Variants in IGLON5 observed in about 807,000 individuals in gnomAD.
The protein encoded by IGLON5 is Ig-like domain-containing protein ENSP00000270642.
IGLON5 carries 16 observed loss-of-function variants against 38.2 expected under a neutral mutation model. The ratio of observed to expected loss-of-function variants is 0.42; its 90% confidence interval spans 0.28 to 0.64. The LOEUF (loss-of-function observed/expected upper bound fraction) is 0.64. Among genes scored for constraint, IGLON5 ranks in the 30% least tolerant of loss-of-function variants. IGLON5 has a pLI of 0.23. For missense variants in IGLON5, 366 were observed against 483.4 expected, an observed-to-expected ratio of 0.76 and a Z score of 2.28; for synonymous variants, 207 against 216.4, an observed-to-expected ratio of 0.96 and a Z score of 0.38.
chr19:51,315,916 G>A (rs777180988), intron 1 of IGLON5, among the ~76,000 whole-genome samples: 8 of 151,802 alleles, frequency 5.3e-5, no homozygotes, highest in African/African-American at 1.2e-4. Flanking sequence ...GGATGGTCTC[G>A]ATCTCCTGAC....
chr19:51,320,049 A>G (rs149890832), intron 1 of IGLON5, among the ~76,000 whole-genome samples: 1 of 133,638 alleles, frequency 7.5e-6, no homozygotes, highest in African/African-American at 2.9e-5. Flanking sequence ...GTGTGTGTGC[A>G]CGCGCGTGCA....
At chr19:51,319,826 C>T (rs982001645) in intron 1 of IGLON5, among the ~76,000 whole-genome samples, 3 of 151,906 alleles carry the variant, frequency 2.0e-5, no homozygotes, top group Non-Finnish European at 4.4e-5. Context: ...CACAGCCATG[C>T]GCGTGACTGA....
At chr19:51,326,998 C>G (rs1985233526) in intron 5 of IGLON5, 82 bp from the exon 6 acceptor site, 37 of 1,589,838 alleles carry the variant, frequency 2.3e-5, no homozygotes, top group Non-Finnish European at 3.2e-5. Flanking sequence ...GACTTACGGG[C>G]CTGAGGGAGG....
In IGLON5 at chr19:51,324,469, A is replaced by G. The variant is rs1436027227; in HGVS notation, c.391+575A>G. 3.3e-5 allele frequency among the ~76,000 whole-genome samples: 5 copies of G among 152,076 alleles called. No homozygotes were observed. Among genetic ancestry groups the G allele is most frequent in the Admixed American group, 6.5e-5 (1 of 15,274 alleles). Reference sequence around the variant, plus strand: ...AGGCAGAGGGCATCTGAAATGGTGGAGGGTAGGGAGCACCTGGAGAGACAG... The same window carrying G: ...AGGCAGAGGGCATCTGAAATGGTGGGGGGTAGGGAGCACCTGGAGAGACAG... On this transcript the variant is annotated intron_variant, in intron 3 of 7. Transcript: ENST00000270642. This position sits in a 1 kb window ranked among gnomAD's most constrained non-coding sequence, Gnocchi z 4.2.
At chr19:51,328,035 T>C (rs1391907787) in intron 7 of IGLON5, 149 bp downstream of exon 7, 2 of 840,276 alleles carry the variant, frequency 2.4e-6, no homozygotes, top group Non-Finnish European at 3.5e-6. Context: ...AAGAAACCGA[T>C]CCACGCAATC....
chr19:51,322,017 G>T (rs369347668), intron 1 of IGLON5, 47 bp from the exon 2 acceptor site: 1 of 1,494,308 alleles, frequency 6.7e-7, no homozygotes, highest in East Asian at 2.3e-5. Context: ...TACCATGCCC[G>T]GGCCTTGCCT....
intron 5 of IGLON5, 80 bp downstream of exon 5, chr19:51,326,978 G>C (rs890799644): frequency 6.3e-7 from 1 of 1,576,776 alleles, no homozygotes; most frequent in South Asian, 1.1e-5. Context: ...GGAAGAGGAA[G>C]CGGGGGCGAG....
At position 51,330,512 on chromosome 19, in the gene IGLON5, G is replaced by A. The variant is rs1414940361; in HGVS notation, c.*1753G>A. Among the ~76,000 whole-genome samples, 5 of 152,294 alleles carry A rather than the reference G, an allele frequency of 3.3e-5. No homozygotes were observed. The highest frequency in any genetic ancestry group is 1.9e-4 in the East Asian group (1 of 5,188). ...TTACAGAGATGCCCTGTGATTGGCCGAAGACACCCAGCATAGCCCATTTCC... is the reference window on the plus strand; with the variant it reads ...TTACAGAGATGCCCTGTGATTGGCCAAAGACACCCAGCATAGCCCATTTCC... On this transcript the variant is annotated 3_prime_UTR_variant, in exon 8 of 8. Transcript: ENST00000270642.
At position 51,327,896 on chromosome 19, in the gene IGLON5, C is replaced by T; in HGVS notation, c.922+10C>T. 1 of 868,204 alleles carries T rather than the reference C, an allele frequency of 1.2e-6. No homozygotes were observed. The highest frequency in any genetic ancestry group is 1.5e-6 in the Non-Finnish European group (1 of 645,204). The allele number at this position is 868,204 out of a possible 1,614,324, so 53.8% of individuals were successfully genotyped here. A position where few individuals can be genotyped will look rare whatever the true frequency, so the allele number is the denominator to read the frequency against. ...TCCATGCGGCTCCTGCGTGCGTCTTCGGGCGGGGCGGGGCCGGGAAGGTGG... is the reference window on the plus strand; with the variant it reads ...TCCATGCGGCTCCTGCGTGCGTCTTTGGGCGGGGCGGGGCCGGGAAGGTGG... On this transcript the variant is annotated intron_variant, in intron 7 of 7. Coordinates refer to ENST00000270642, the MANE Select transcript of IGLON5 (RefSeq NM_001101372.3). This position sits in a 1 kb window ranked among gnomAD's most constrained non-coding sequence, Gnocchi z 7.1.
chr19:51,312,755 C>T (rs989859946), intron 1 of IGLON5, among the ~76,000 whole-genome samples: 1 of 152,116 alleles, frequency 6.6e-6, no homozygotes, highest in Non-Finnish European at 1.5e-5. Context: ...AACCCCGGCC[C>T]GGCCCGGCCC....
chr19:51,326,753 T>A lies in IGLON5; in HGVS notation c.512-11T>A. Reference sequence around the variant, plus strand: ...TCCGGCCCCGCCCCCTCCTCCTCCTTCCCCCCACAGACGGCTTCACCTCGG... The same window carrying A: ...TCCGGCCCCGCCCCCTCCTCCTCCTACCCCCCACAGACGGCTTCACCTCGG... On this transcript the variant is annotated splice_polypyrimidine_tract_variant and intron_variant, in intron 4 of 7. Coordinates refer to ENST00000270642, the MANE Select transcript of IGLON5 (RefSeq NM_001101372.3). The A allele has an allele frequency of 1.9e-6, 3 of 1,542,208 alleles. No homozygotes were observed.
chr19:51,313,633 C>G (rs2063824), intron 1 of IGLON5, among the ~76,000 whole-genome samples: 5 of 118,078 alleles, frequency 4.2e-5, no homozygotes, highest in Admixed American at 1.6e-4. Flanking sequence ...TTCTCTTTTT[C>G]TCTCTCTCTC....
chr19:51,329,460 T>A lies in IGLON5; in HGVS notation c.*701T>A, dbSNP rs1985298014. ...GGCTTCCCTGCTGTCAACCACCAGCTTCCTGTAGCCAGAGGCCCCATCGCT... is the reference window on the plus strand; with the variant it reads ...GGCTTCCCTGCTGTCAACCACCAGCATCCTGTAGCCAGAGGCCCCATCGCT... On this transcript the variant is annotated 3_prime_UTR_variant, in exon 8 of 8. Coordinates refer to ENST00000270642, the MANE Select transcript of IGLON5 (RefSeq NM_001101372.3). The surrounding 1 kb of genome is among the most constrained non-coding windows in gnomAD (Gnocchi z 4.3). 1 of 152,294 alleles carries A rather than the reference T, an allele frequency of 6.6e-6. No homozygotes were observed. Among genetic ancestry groups the A allele is most frequent in the African/African-American group, 2.4e-5 (1 of 41,438 alleles). The allele number at this position is 152,294 out of a possible 1,614,324, so 9.4% of individuals were successfully genotyped here.
At chr19:51,316,621 G>A (rs1421031555) in intron 1 of IGLON5, among the ~76,000 whole-genome samples, 1 of 151,494 alleles carries the variant, frequency 6.6e-6, no homozygotes, top group Non-Finnish European at 1.5e-5. Context: ...AGCCTCCCAA[G>A]TAGCTGGGAC....
intron 1 of IGLON5, among the ~76,000 whole-genome samples, chr19:51,319,527 AGTTAG>A (rs1175458806): frequency 2.0e-5 from 3 of 151,810 alleles, no homozygotes; most frequent in African/African-American, 7.3e-5. Flanking sequence ...CTGTGTAACC[AGTTAG>A]GTTAGTAAGC....
rs979861231 is a variant in IGLON5, at chr19:51,329,016, C to G, written c.*257C>G. 4 of 406,974 alleles carry G rather than the reference C, an allele frequency of 9.8e-6. No homozygotes were observed. The highest frequency in any genetic ancestry group is 4.3e-5 in the Admixed American group (1 of 23,114). 25.2% of individuals were successfully genotyped at this position (406,974 alleles called of 1,614,324 possible). A position where few individuals can be genotyped will look rare whatever the true frequency, so the allele number is the denominator to read the frequency against. ...CACGTTTCCGATTGTGACCCACTCC[C>G]GCCACCCCATACCCCTCTCTCTTAG... On this transcript the variant is annotated 3_prime_UTR_variant, in exon 8 of 8. Transcript: ENST00000270642. This position sits in a 1 kb window ranked among gnomAD's most constrained non-coding sequence, Gnocchi z 4.3.
chr19:51,327,971 C>A lies in IGLON5; in HGVS notation c.922+85C>A. 1 of 1,364,148 alleles carries A rather than the reference C, an allele frequency of 7.3e-7. No individual in the cohort carries two copies. The highest frequency in any genetic ancestry group is 9.6e-7 in the Non-Finnish European group (1 of 1,037,836). 84.5% of individuals were successfully genotyped at this position (1,364,148 alleles called of 1,614,324 possible). A position where few individuals can be genotyped will look rare whatever the true frequency, so the allele number is the denominator to read the frequency against. ...AAGTGGAGACGCCGGGACCGCCCTT[C>A]AGGCTGGCCCTGAACTTAGGAGATG... On this transcript the variant is annotated intron_variant, in intron 7 of 7. Coordinates refer to ENST00000270642, the MANE Select transcript of IGLON5 (RefSeq NM_001101372.3). This position sits in a 1 kb window ranked among gnomAD's most constrained non-coding sequence, Gnocchi z 7.1.
At chr19:51,317,846 A>G (rs1453201674) in intron 1 of IGLON5, among the ~76,000 whole-genome samples, 1 of 152,304 alleles carries the variant, frequency 6.6e-6, no homozygotes, top group Non-Finnish European at 1.5e-5. Context: ...TTCACCTTGT[A>G]CAGTTGGAGA....
rs202178262 is a variant in IGLON5 at position 51,320,503 on chromosome 19, C to CCCTGGT, written c.80-1558_80-1553dup. ...CGCATGCCCAGCCCCCACTCCCTGG[C>CCCTGGT]CCTGGTCCAGCCCGCTGGCCACGGT... On this transcript the variant is annotated intron_variant, in intron 1 of 7. Coordinates refer to ENST00000270642, the MANE Select transcript of IGLON5 (RefSeq NM_001101372.3). 3.9e-3 allele frequency among the ~76,000 whole-genome samples: 590 copies of CCCTGGT among 152,342 alleles called. 6 individuals carry two copies. The highest frequency in any genetic ancestry group is 0.013 in the African/African-American group (539 of 41,576).
Sources: gnomAD v4.1 joint callset for allele counts (sites outside exome capture counted in the v4.1 genomes callset) on GRCh38, gnomAD v4.1.1 for gene constraint, Gnocchi (gnomAD v3.1) non-coding constraint, MANE v1.5 for transcripts, NCBI Gene and HGNC (gene_info 2026-07-23, HGNC 2026-07-21) for gene names.